Variants in CEP170 observed in about 807,000 individuals in gnomAD.
The protein encoded by CEP170 is centrosomal protein of 170 kDa.
Under a neutral mutation model 151.9 loss-of-function variants are expected in CEP170, and 21 were observed. The observed-to-expected ratio is 0.14, with a 90% confidence interval of 0.10 to 0.20. The LOEUF is 0.20. CEP170 is among the 10% of genes least tolerant of loss of function. The probability of loss-of-function intolerance (pLI) is 1.00; values close to 1 mark genes in which losing one functional copy is unlikely to be tolerated. For missense variants in CEP170, 964 were observed against 1,892.9 expected (o/e 0.51, Z 9.11); for synonymous variants, 356 against 648.8 (o/e 0.55, Z 6.86).
In CEP170 at chr1:243,129,456, A is replaced by G. The variant is rs752404273; in HGVS notation, c.4320-3T>C. On this transcript the variant is annotated splice_region_variant and splice_polypyrimidine_tract_variant and intron_variant, in intron 17 of 19. Coordinates refer to ENST00000366542, the MANE Select transcript of CEP170 (RefSeq NM_014812.3). ...GATCTTTGTCTTTAAATAATATTCT[A>G]TAAATCAAAAAACATAAGCATATAA... The G allele has an allele frequency of 6.1e-6, 9 of 1,467,504 alleles. No individual in the cohort carries two copies. In the African/African-American group the frequency reaches 1.1e-4, roughly 19 times the overall value. The allele number at this position is 1,467,504 out of a possible 1,614,324, so 90.9% of individuals were successfully genotyped here.
chr1:243,241,044 G>C (rs754793226), intron 1 of CEP170, among the ~76,000 whole-genome samples: 5 of 152,150 alleles, frequency 3.3e-5, no homozygotes, highest in Non-Finnish European at 5.9e-5. Flanking sequence ...TTCACACTAT[G>C]AAAACAAAGT....
At chr1:243,144,474 C>T (rs1045613499) in intron 14 of CEP170, among the ~76,000 whole-genome samples, 1 of 152,060 alleles carries the variant, frequency 6.6e-6, no homozygotes, top group Non-Finnish European at 1.5e-5. Flanking sequence ...TTAAAGTGTT[C>T]CCTTATATAA....
chr1:243,253,190 A>T (rs2149216421), intron 1 of CEP170: 1 of 152,348 alleles, frequency 6.6e-6, no homozygotes, highest in South Asian at 2.1e-4. Flanking sequence ...TTCCTCATGT[A>T]GTAAGTTACT....
At chr1:243,133,751 T>A (rs1387280947) in intron 17 of CEP170, among the ~76,000 whole-genome samples, 2 of 152,142 alleles carry the variant, frequency 1.3e-5, no homozygotes, top group African/African-American at 4.8e-5. Flanking sequence ...CTCTTACTTG[T>A]GAAAGAAGTA....
chr1:243,175,238 G>GA (rs1264968605), intron 10 of CEP170: 3 of 152,232 alleles, frequency 2.0e-5, no homozygotes, highest in African/African-American at 7.2e-5. Context: ...AAGGGGAGCT[G>GA]AAGCCGGACA....
rs753195809 is a variant in CEP170, at chr1:243,186,326, C to T, written c.1205G>A (p.Arg402His). 8.1e-6 allele frequency: 13 copies of T among 1,613,580 alleles called. No homozygotes were observed. The highest frequency in any genetic ancestry group is 6.7e-5 in the African/African-American group (5 of 74,902). ...KRATLEEHLR[R>H]HHSEHKKLQK... The stretch of plus-strand genomic sequence containing the variant: ...TAGCTTTTTGTGTTCTGAATGGTGG[C>T]GTCTTAAGTGTTCCTCAAGAGTTGC... Residue 402 changes from arginine (R) to histidine (H), a missense_variant, in exon 9 of 20, where the codon CGC becomes CAC. Coordinates refer to ENST00000366542, the MANE Select transcript of CEP170 (RefSeq NM_014812.3).
chr1:243,246,047 A>C (rs899169009), intron 1 of CEP170, among the ~76,000 whole-genome samples: 1 of 152,154 alleles, frequency 6.6e-6, no homozygotes, highest in Non-Finnish European at 1.5e-5. Flanking sequence ...CCAGTGGTAG[A>C]AGAATAAACT....
chr1:243,214,352 C>T (rs1262863843), intron 3 of CEP170, among the ~76,000 whole-genome samples: 1 of 125,252 alleles, frequency 8.0e-6, no homozygotes, highest in East Asian at 2.7e-4. Flanking sequence ...ATGGCGTGAT[C>T]TCAGCTCACT....
intron 14 of CEP170, among the ~76,000 whole-genome samples, chr1:243,151,558 C>T (rs550509505): frequency 2.1e-3 from 316 of 152,260 alleles, no homozygotes; most frequent in Non-Finnish European, 3.8e-3. Context: ...GAACTCTCTT[C>T]AATTCTGTGA....
chr1:243,145,729 T>C (rs551841659), intron 14 of CEP170, among the ~76,000 whole-genome samples: 68 of 152,348 alleles, frequency 4.5e-4, no homozygotes, highest in Middle Eastern at 3.4e-3. Flanking sequence ...ATACTAGCTT[T>C]AGAATCCTAA....
intron 1 of CEP170, among the ~76,000 whole-genome samples, chr1:243,240,137 CCT>C (rs1258789770): frequency 6.6e-6 from 1 of 152,056 alleles, no homozygotes; most frequent in Admixed American, 6.5e-5. Flanking sequence ...ATGGTGAAAC[CCT>C]GTTTCTACTA....
At chr1:243,181,632 C>T (rs116818371) in intron 10 of CEP170, among the ~76,000 whole-genome samples, 1 of 151,956 alleles carries the variant, frequency 6.6e-6, no homozygotes, top group South Asian at 2.1e-4. Context: ...TGCAAATACA[C>T]GGTTTGCTCA....
At chr1:243,243,103 T>C (rs1350553133) in intron 1 of CEP170, among the ~76,000 whole-genome samples, 1 of 152,196 alleles carries the variant, frequency 6.6e-6, no homozygotes, top group African/African-American at 2.4e-5. Flanking sequence ...TGGTGGCTCA[T>C]GCCTATCTGC....
intron 1 of CEP170, among the ~76,000 whole-genome samples, chr1:243,244,120 A>G (rs2065128647): frequency 6.6e-6 from 1 of 152,322 alleles, no homozygotes. Flanking sequence ...ACAAATACTA[A>G]TATCTGCAAT....
At chr1:243,198,035 T>C (rs1309932153) in intron 7 of CEP170, among the ~76,000 whole-genome samples, 1 of 152,062 alleles carries the variant, frequency 6.6e-6, no homozygotes, top group Non-Finnish European at 1.5e-5. Context: ...CTAAGAAAAA[T>C]GTCCTATTTA....
intron 8 of CEP170, among the ~76,000 whole-genome samples, chr1:243,187,667 T>C (rs1209600825): frequency 1.3e-5 from 2 of 152,142 alleles, no homozygotes; most frequent in Non-Finnish European, 2.9e-5. Context: ...GAGAAGCAAA[T>C]GACCTATGTC....
chr1:243,181,269 T>A lies in CEP170; in HGVS notation c.1566+4510A>T, dbSNP rs553854392. Among the ~76,000 whole-genome samples, 19 of 152,282 alleles carry A rather than the reference T, an allele frequency of 1.2e-4. No individual in the cohort carries two copies. The South Asian group carries it at 3.9e-3, about 32-fold the overall frequency. On this transcript the variant is annotated intron_variant, in intron 10 of 19. Transcript: ENST00000366542. ...GGGTTGGGAGAGATAATTACTAGTA[T>A]GAGAGATAAATGCCTTTAATCTAGG...
intron 1 of CEP170, among the ~76,000 whole-genome samples, chr1:243,226,091 C>CTA (rs1480589125): frequency 2.9e-5 from 4 of 138,112 alleles, no homozygotes; most frequent in Non-Finnish European, 6.2e-5. Context: ...ATAAATATAT[C>CTA]TATATATATA....
intron 7 of CEP170, among the ~76,000 whole-genome samples, chr1:243,193,539 G>A (rs1159756756): frequency 1.3e-5 from 2 of 152,028 alleles, no homozygotes; most frequent in African/African-American, 4.8e-5. Context: ...AAGCTGGCCA[G>A]GGATATAGCA....
Sources: gnomAD v4.1 joint callset for allele counts (sites outside exome capture counted in the v4.1 genomes callset) on GRCh38, gnomAD v4.1.1 for gene constraint, MANE v1.5 for transcripts, NCBI Gene and HGNC (gene_info 2026-07-23, HGNC 2026-07-21) for gene names.